ADGRL2: variants seen among roughly 807,000 people sequenced by gnomAD.
ADGRL2 encodes adhesion G protein-coupled receptor L2.
A neutral mutation model predicts 157.4 loss-of-function variants in ADGRL2; 44 were observed. The observed-to-expected ratio is 0.28, with a 90% CI of 0.22 to 0.36. ADGRL2 has a LOEUF of 0.36. ADGRL2 is among the 10% of genes least tolerant of loss of function. The pLI is 1.00. For synonymous variants in ADGRL2, 585 were observed against 624.7 expected (o/e 0.94, Z 0.95); for missense variants, 1,510 against 1,768.9 (o/e 0.85, Z 2.63).
chr1:81,465,806 A>C (rs1209982855), intron 2 of ADGRL2, among the ~76,000 whole-genome samples: 7 of 152,240 alleles, frequency 4.6e-5, no homozygotes, highest in Non-Finnish European at 1.0e-4. Context: ...CAAACAAAGA[A>C]AAATGAAAAT....
intron 17 of ADGRL2, among the ~76,000 whole-genome samples, chr1:81,973,581 G>T (rs1041970805): frequency 1.3e-5 from 2 of 152,186 alleles, no homozygotes; most frequent in African/African-American, 4.8e-5. Flanking sequence ...ATTAGCAAAA[G>T]AAGTTAATTT....
chr1:81,795,523 T>C (rs1265201771), upstream of ADGRL2, among the ~76,000 whole-genome samples: 1 of 152,230 alleles, frequency 6.6e-6, no homozygotes, highest in Non-Finnish European at 1.5e-5. Flanking sequence ...TTATACACAC[T>C]TGAAACAATA....
chr1:81,870,297 G>A lies in ADGRL2; in HGVS notation c.73+33240G>A, dbSNP rs1260969256. ...TTTTATTTCCCACATCTACAGTCCC[G>A]ACACCCAGAACGACCAGTGATCCTC... On this transcript the variant is annotated intron_variant, in intron 2 of 23. Coordinates refer to ENST00000686636, the MANE Select transcript of ADGRL2 (RefSeq NM_001366006.2). Among the ~76,000 whole-genome samples, 3 of 151,624 alleles carry A rather than the reference G, an allele frequency of 2.0e-5. No individual in the cohort carries two copies. In the East Asian group the frequency reaches 5.8e-4, roughly 29 times the overall value.
intron 11 of ADGRL2, among the ~76,000 whole-genome samples, chr1:81,961,509 CTT>C (rs5775655): frequency 1.5e-5 from 2 of 137,310 alleles, no homozygotes; most frequent in Non-Finnish European, 1.5e-5. Flanking sequence ...AATTTTCTTT[CTT>C]TTTTTTTTTT....
Position 81,785,019 on chromosome 1 carries a change from G to C in ADGRL2, c.-101+23167G>C, listed in dbSNP as rs187746170. Among the ~76,000 whole-genome samples, 166 of 152,126 alleles carry C rather than the reference G, an allele frequency of 1.1e-3. 1 individual carries two copies. The highest frequency in any genetic ancestry group is 3.9e-3 in the African/African-American group (160 of 41,518). On this transcript the variant is annotated intron_variant, in intron 2 of 20. Transcript: ENST00000359929. The stretch of plus-strand genomic sequence containing the variant: ...AGTTTTACTTTTTTCATTGAGAAGT[G>C]ACTTGCTTAGTGGGGGAAAAAAAAG...
intron 2 of ADGRL2, among the ~76,000 whole-genome samples, chr1:81,448,831 C>G (rs1167673293): frequency 6.6e-6 from 1 of 152,094 alleles, no homozygotes. Context: ...TATTTGGAGA[C>G]TATTTTTCTT....
chr1:81,648,661 T>A (rs1029984674), intron 3 of ADGRL2, among the ~76,000 whole-genome samples: 1 of 152,156 alleles, frequency 6.6e-6, no homozygotes, highest in African/African-American at 2.4e-5. Context: ...CTGATCCTGC[T>A]TGAAGGATGG....
At chr1:81,953,059 C>A (rs774408753) in intron 10 of ADGRL2, 34 bp downstream of exon 10, 2 of 1,573,940 alleles carry the variant, frequency 1.3e-6, no homozygotes, top group Non-Finnish European at 8.7e-7. Context: ...TGCTTTCTCC[C>A]TTCTTCAGCT....
intron 2 of ADGRL2, among the ~76,000 whole-genome samples, chr1:81,527,112 G>T (rs143281914): frequency 3.9e-5 from 6 of 152,134 alleles, no homozygotes; most frequent in African/African-American, 1.4e-4. Flanking sequence ...CAATAAAGTC[G>T]AATTCAGCAT....
At chr1:81,885,326 T>TA (rs955140273) in intron 2 of ADGRL2, among the ~76,000 whole-genome samples, 19 of 152,112 alleles carry the variant, frequency 1.2e-4, no homozygotes, top group Non-Finnish European at 2.4e-4. Context: ...CAGAGGAATT[T>TA]AAAAAAAATG....
rs371767310 is a variant in ADGRL2, at chr1:81,719,013, G to A, written c.-143+19205G>A. On this transcript the variant is annotated intron_variant, in intron 1 of 20. Coordinates refer to the ADGRL2 transcript ENST00000359929. ...CACCTCTGTAGTTATTAACCCTTAT[G>A]GACAGGATTTCAGATTTTTTATTAT... is the stretch of plus-strand genomic sequence containing the variant. Among the ~76,000 whole-genome samples the A allele has an allele frequency of 3.3e-5, 5 of 152,234 alleles. No individual in the cohort carries two copies. The South Asian group carries it at 1.0e-3, about 32-fold the overall frequency.
At chr1:81,394,879 TTTTA>T (rs57145205) in intron 1 of ADGRL2, among the ~76,000 whole-genome samples, 4,176 of 143,228 alleles carry the variant, frequency 0.029, 128 homozygotes, top group African/African-American at 0.075. Flanking sequence ...TGTCTCTCTT[TTTTA>T]TTTATTTATT....
At chr1:81,502,850 T>C (rs1257554192) in intron 2 of ADGRL2, 2 of 1,612,670 alleles carry the variant, frequency 1.2e-6, no homozygotes, top group African/African-American at 2.7e-5. Flanking sequence ...CCTGCCCTCC[T>C]CTCCCCACCC....
At chr1:81,401,361 G>A (rs1190685507) in intron 1 of ADGRL2, among the ~76,000 whole-genome samples, 4 of 152,082 alleles carry the variant, frequency 2.6e-5, no homozygotes, top group African/African-American at 9.7e-5. Flanking sequence ...GGTGCTGCTT[G>A]GGGCAACCGG....
At chr1:81,781,594 T>C (rs2086814200) in intron 2 of ADGRL2, among the ~76,000 whole-genome samples, 1 of 152,170 alleles carries the variant, frequency 6.6e-6, no homozygotes, top group African/African-American at 2.4e-5. Context: ...ACAGGACTGA[T>C]AGCATTTCAG....
chr1:81,412,738 G>A (rs1387630263), intron 1 of ADGRL2, among the ~76,000 whole-genome samples: 1 of 152,204 alleles, frequency 6.6e-6, no homozygotes, highest in African/African-American at 2.4e-5. Flanking sequence ...GGTGAAGGAT[G>A]TATAGATTTA....
chr1:81,512,746 G>A (rs2079102348), intron 2 of ADGRL2, among the ~76,000 whole-genome samples: 1 of 152,062 alleles, frequency 6.6e-6, no homozygotes. Context: ...CCTTTACAGT[G>A]TACCATTCAG....
At chr1:81,359,504 G>C (rs1211929285) in intron 1 of ADGRL2, among the ~76,000 whole-genome samples, 1 of 151,886 alleles carries the variant, frequency 6.6e-6, no homozygotes, top group South Asian at 2.1e-4. Context: ...ATGCCAACTT[G>C]GTACTTACTT....
intron 2 of ADGRL2, among the ~76,000 whole-genome samples, chr1:81,512,525 C>G (rs750625919): frequency 2.0e-5 from 3 of 152,112 alleles, no homozygotes; most frequent in Non-Finnish European, 4.4e-5. Flanking sequence ...ATGCAGAAAG[C>G]TACAATTGTT....
Sources: allele counts gnomAD v4.1 joint callset (sites outside exome capture counted in the v4.1 genomes callset), GRCh38; gene constraint gnomAD v4.1.1; transcripts MANE v1.5; gene names NCBI Gene and HGNC (gene_info 2026-07-23, HGNC 2026-07-21).